The following SH3PXD2A variants were observed in gnomAD, a reference collection of about 807,000 sequenced individuals.
SH3PXD2A encodes SH3 and PX domains 2A, also known as SH3 and PX domain-containing protein 2A.
SH3PXD2A carries 32 observed loss-of-function variants against 115.2 expected under a neutral mutation model. The ratio of observed to expected loss-of-function variants is 0.28; its 90% CI spans 0.21 to 0.37. The LOEUF (loss-of-function observed/expected upper bound fraction) is 0.37. Ranked by LOEUF, SH3PXD2A falls within the 10% of genes least tolerant of loss-of-function variation. The pLI is 1.00. For synonymous variants in SH3PXD2A, 610 were observed against 629.1 expected, an observed-to-expected ratio of 0.97 and a Z score of 0.45; for missense variants, 1,328 against 1,498.7, an observed-to-expected ratio of 0.89 and a Z score of 1.88.
At chr10:103,832,285 T>A (rs888571476) in intron 1 of SH3PXD2A, among the ~76,000 whole-genome samples, 3 of 151,892 alleles carry the variant, frequency 2.0e-5, no homozygotes, top group African/African-American at 7.3e-5. Context: ...ATAAAAATCA[T>A]TGCACGTGTC....
In SH3PXD2A at chr10:103,597,442, G is replaced by A. The variant is rs184066612; in HGVS notation, c.*4374C>T. 2 of 152,400 alleles carry A rather than the reference G, an allele frequency of 1.3e-5. No individual in the cohort carries two copies. Among genetic ancestry groups the A allele is most frequent in the African/African-American group, 4.8e-5 (2 of 41,572 alleles). 9.4% of individuals were successfully genotyped at this position (152,400 alleles called of 1,614,324 possible). ...TAGGCCAGGTCTCTCTGAGCAGCTG[G>A]CTGCACCACAACAGAAATCAAAACA... On this transcript the variant is annotated 3_prime_UTR_variant, in exon 15 of 15. Coordinates refer to ENST00000369774, the MANE Select transcript of SH3PXD2A (RefSeq NM_001394015.1).
At chr10:103,719,725 T>TC (rs1228853029) in intron 5 of SH3PXD2A, among the ~76,000 whole-genome samples, 1 of 143,472 alleles carries the variant, frequency 7.0e-6, no homozygotes, top group Non-Finnish European at 1.5e-5. Context: ...TTCTTTCTTT[T>TC]TTTTTTTTTT....
At chr10:103,608,157 A>AAAAAAAAAAAAGTTTAC (rs1246009289) in intron 13 of SH3PXD2A, among the ~76,000 whole-genome samples, 1 of 144,724 alleles carries the variant, frequency 6.9e-6, no homozygotes. Flanking sequence ...ATTTAAAAAA[A>AAAAAAAAAAAAGTTTAC]AAAAAAAAAA....
chr10:103,618,325 A>T (rs1165074429), intron 10 of SH3PXD2A, among the ~76,000 whole-genome samples: 27 of 152,122 alleles, frequency 1.8e-4, no homozygotes, highest in Admixed American at 1.8e-3. Context: ...TGTTTCTTCC[A>T]TGCCTGCTGG....
At chr10:103,732,791 A>G (rs11191786) in intron 4 of SH3PXD2A, among the ~76,000 whole-genome samples, 41,094 of 152,140 alleles carry the variant, frequency 0.27, 6,041 homozygotes, top group African/African-American at 0.37. Flanking sequence ...TAGAGACTCC[A>G]GAGGCTCTAG....
At position 103,667,836 on chromosome 10, in the gene SH3PXD2A, C is replaced by G. The variant is rs2037404316; in HGVS notation, c.472+772G>C. On this transcript the variant is annotated intron_variant, in intron 7 of 14. Transcript: ENST00000369774. ...CCCTTCTGGAAATTCCATCCCTCCT[C>G]CGACCATCTCCATCCAGGAGCTGAG... 2.0e-5 allele frequency among the ~76,000 whole-genome samples: 3 copies of G among 152,226 alleles called. No individual in the cohort carries two copies. The South Asian group carries it at 6.2e-4, about 31-fold the overall frequency.
intron 1 of SH3PXD2A, among the ~76,000 whole-genome samples, chr10:103,844,566 C>T (rs960217525): frequency 2.6e-5 from 4 of 152,186 alleles, no homozygotes; most frequent in South Asian, 2.1e-4. Flanking sequence ...GGCAAGTTCC[C>T]CATGAGGAGC....
intron 1 of SH3PXD2A, among the ~76,000 whole-genome samples, chr10:103,851,249 C>T (rs1181506415): frequency 6.6e-6 from 1 of 151,940 alleles, no homozygotes; most frequent in Non-Finnish European, 1.5e-5. Context: ...ATGATCTAAA[C>T]AGAGGAAGAA....
At chr10:103,701,840 T>C (rs1182050578) in intron 5 of SH3PXD2A, among the ~76,000 whole-genome samples, 1 of 146,956 alleles carries the variant, frequency 6.8e-6, no homozygotes, top group Non-Finnish European at 1.5e-5. Context: ...CTATCTACCA[T>C]CTATCCATCC....
chr10:103,727,589 C>G (rs1053977190), intron 4 of SH3PXD2A, among the ~76,000 whole-genome samples: 2 of 152,194 alleles, frequency 1.3e-5, no homozygotes. Flanking sequence ...CTAGTGCCCT[C>G]CCCGCTCAGT....
intron 4 of SH3PXD2A, among the ~76,000 whole-genome samples, chr10:103,730,739 G>A (rs962005414): frequency 6.6e-6 from 1 of 152,092 alleles, no homozygotes; most frequent in African/African-American, 2.4e-5. Context: ...TGGGCTTCCT[G>A]TTTATTAGTG....
At chr10:103,667,312 C>T (rs929341213) in intron 7 of SH3PXD2A, among the ~76,000 whole-genome samples, 2 of 152,172 alleles carry the variant, frequency 1.3e-5, no homozygotes, top group African/African-American at 4.8e-5. Context: ...CCCAGGCTCC[C>T]CACGACTCCC....
intron 4 of SH3PXD2A, among the ~76,000 whole-genome samples, chr10:103,728,881 T>TG (rs2038276608): frequency 7.4e-6 from 1 of 135,450 alleles, no homozygotes; most frequent in African/African-American, 3.1e-5. Context: ...GAGTTGTTTT[T>TG]TTTGTTTGTT....
intron 4 of SH3PXD2A, among the ~76,000 whole-genome samples, chr10:103,732,227 GTAAA>G (rs1222962081): frequency 6.6e-6 from 1 of 152,176 alleles, no homozygotes; most frequent in Non-Finnish European, 1.5e-5. Flanking sequence ...TAGGAACGGG[GTAAA>G]TAGAGTCACT....
At chr10:103,725,140 T>C (rs2038224863) in intron 4 of SH3PXD2A, among the ~76,000 whole-genome samples, 1 of 152,204 alleles carries the variant, frequency 6.6e-6, no homozygotes, top group African/African-American at 2.4e-5. Flanking sequence ...AGCTAAGTTC[T>C]GAAGGATGGA....
rs80213911 is a variant in SH3PXD2A at position 103,683,854 on chromosome 10, C to A, written c.427+9174G>T. ...CAATGGCCAGCCACCCCTCCTTCCA[C>A]CTTGCAGATCCCAAGCCATCCTGCC... On this transcript the variant is annotated intron_variant, in intron 6 of 14. Transcript: ENST00000369774. Among the ~76,000 whole-genome samples the A allele has an allele frequency of 4.0e-3, 613 of 152,322 alleles. 5 individuals are homozygous for A. The highest frequency in any genetic ancestry group is 0.014 in the Middle Eastern group (4 of 294).
chr10:103,695,526 A>G (rs1157882856), intron 5 of SH3PXD2A, among the ~76,000 whole-genome samples: 1 of 151,908 alleles, frequency 6.6e-6, no homozygotes, highest in African/African-American at 2.4e-5. Context: ...AAAAAAAAAA[A>G]AAAGAGTGGG....
intron 7 of SH3PXD2A, among the ~76,000 whole-genome samples, chr10:103,664,643 G>T (rs965219233): frequency 2.1e-4 from 31 of 150,940 alleles, no homozygotes; most frequent in African/African-American, 7.6e-4. Flanking sequence ...GCTTAATAAA[G>T]ACTAGAGTAT....
chr10:103,685,505 G>C (rs996796051), intron 6 of SH3PXD2A, among the ~76,000 whole-genome samples: 5 of 152,084 alleles, frequency 3.3e-5, no homozygotes, highest in African/African-American at 1.2e-4. Flanking sequence ...CCTTCCCCCT[G>C]TCTGATTGAG....
Sources: allele counts gnomAD v4.1 joint callset (sites outside exome capture counted in the v4.1 genomes callset), GRCh38; gene constraint gnomAD v4.1.1; transcripts MANE v1.5; gene names NCBI Gene and HGNC (gene_info 2026-07-23, HGNC 2026-07-21).